Variants in FOXP1 observed in about 807,000 individuals in gnomAD.
FOXP1 encodes forkhead box P1.
FOXP1 carries 15 observed loss-of-function variants against 98.2 expected under a neutral mutation model. The ratio of observed to expected loss-of-function variants is 0.15; its 90% confidence interval spans 0.10 to 0.24. FOXP1 has a LOEUF of 0.24. Ranked by LOEUF, FOXP1 falls within the 10% of genes least tolerant of loss-of-function variation. The probability of loss-of-function intolerance (pLI) is 1.00; values close to 1 mark genes in which losing one functional copy is unlikely to be tolerated. For synonymous variants in FOXP1, 371 were observed against 314.5 expected, an observed-to-expected ratio of 1.18 and a Z score of -1.90; for missense variants, 633 against 848.5, an observed-to-expected ratio of 0.75 and a Z score of 3.15.
intron 6 of FOXP1, among the ~76,000 whole-genome samples, chr3:71,150,852 G>T (rs2060536746): frequency 6.6e-6 from 1 of 152,072 alleles, no homozygotes; most frequent in South Asian, 2.1e-4. Context: ...CCCCGTTACG[G>T]TCTCTTTTTT....
chr3:71,286,037 G>A (rs1161247030), intron 5 of FOXP1, among the ~76,000 whole-genome samples: 2 of 152,164 alleles, frequency 1.3e-5, no homozygotes, highest in East Asian at 1.9e-4. Flanking sequence ...CAGATAGTAT[G>A]TATATTTTTA....
intron 2 of FOXP1, among the ~76,000 whole-genome samples, chr3:71,509,650 G>A (rs1447420142): frequency 6.6e-6 from 1 of 152,182 alleles, no homozygotes; most frequent in Admixed American, 6.5e-5. Flanking sequence ...AGGAGGCTCA[G>A]ATGGGAGAAT....
intron 14 of FOXP1, among the ~76,000 whole-genome samples, chr3:70,983,535 G>A (rs1282300318): frequency 6.6e-6 from 1 of 152,140 alleles, no homozygotes; most frequent in Non-Finnish European, 1.5e-5. Flanking sequence ...GTATAAAAAT[G>A]AAAATCTAAT....
intron 6 of FOXP1, among the ~76,000 whole-genome samples, chr3:71,161,366 C>T (rs1420285333): frequency 3.3e-5 from 5 of 152,182 alleles, no homozygotes; most frequent in Non-Finnish European, 7.4e-5. Context: ...CTGTCTGTCT[C>T]TTTCTCTTTC....
chr3:71,034,633 G>A (rs1237168177), intron 11 of FOXP1, among the ~76,000 whole-genome samples: 2 of 152,238 alleles, frequency 1.3e-5, no homozygotes, highest in Non-Finnish European at 2.9e-5. Flanking sequence ...CTGGCACACA[G>A]TAAGAGTTAC....
intron 5 of FOXP1, among the ~76,000 whole-genome samples, chr3:71,236,431 C>T (rs566706906): frequency 3.3e-5 from 5 of 152,246 alleles, no homozygotes; most frequent in East Asian, 3.9e-4. Flanking sequence ...TGAGCTACCA[C>T]CCTCCAGCAC....
At chr3:71,559,676 T>G (rs2046393148) in intron 2 of FOXP1, among the ~76,000 whole-genome samples, 3 of 152,258 alleles carry the variant, frequency 2.0e-5, no homozygotes, top group Admixed American at 2.0e-4. Flanking sequence ...TGAAATCTCA[T>G]CTTTATAAAA....
chr3:71,572,598 T>C (rs1372428194), intron 2 of FOXP1: 2 of 152,200 alleles, frequency 1.3e-5, no homozygotes, highest in Non-Finnish European at 2.9e-5. Context: ...AAATCCTGTA[T>C]TTTGAGGAAT....
At chr3:71,010,440 G>C (rs2043423020) in intron 12 of FOXP1, among the ~76,000 whole-genome samples, 1 of 152,132 alleles carries the variant, frequency 6.6e-6, no homozygotes, top group Admixed American at 6.6e-5. Flanking sequence ...TAAACTGTTT[G>C]TGAGGATTAA....
intron 5 of FOXP1, among the ~76,000 whole-genome samples, chr3:71,240,890 A>T (rs1221935823): frequency 6.6e-6 from 1 of 151,880 alleles, no homozygotes. Context: ...CCCAGATTTG[A>T]AGAATCTTAA....
intron 5 of FOXP1, among the ~76,000 whole-genome samples, chr3:71,230,198 C>T (rs766453259): frequency 2.6e-5 from 4 of 152,288 alleles, no homozygotes; most frequent in Non-Finnish European, 2.9e-5. Flanking sequence ...CGTCACTGTG[C>T]GGCTGTGAAG....
At chr3:71,426,856 T>C (rs959684064) in intron 3 of FOXP1, among the ~76,000 whole-genome samples, 1 of 152,010 alleles carries the variant, frequency 6.6e-6, no homozygotes, top group Non-Finnish European at 1.5e-5. Flanking sequence ...AGGTCAAGAG[T>C]TCGAGACCAG....
chr3:70,989,476 A>G (rs2040271071), intron 13 of FOXP1, among the ~76,000 whole-genome samples: 1 of 152,210 alleles, frequency 6.6e-6, no homozygotes, highest in Non-Finnish European at 1.5e-5. Context: ...GTTATTGAAC[A>G]GCCAAACTAA....
intron 7 of FOXP1, among the ~76,000 whole-genome samples, chr3:71,065,934 A>G (rs1281769761): frequency 1.3e-5 from 2 of 152,150 alleles, no homozygotes; most frequent in African/African-American, 4.8e-5. Context: ...CTCTAAAAAA[A>G]TCACCTATTT....
In FOXP1 at chr3:71,429,183, G is replaced by A. The variant is rs554816344; in HGVS notation, c.-168+64243C>T. ...CCATGGAGTTATCACCCACAACCTC[G>A]CCCATGGGTGGGGGCAACCAGACCA... On this transcript the variant is annotated intron_variant, in intron 3 of 20. Transcript: ENST00000649528. Among the ~76,000 whole-genome samples, 43 of 152,232 alleles carry A rather than the reference G, an allele frequency of 2.8e-4. 2 individuals carry two copies. The highest frequency in any genetic ancestry group is 8.7e-4 in the African/African-American group (36 of 41,540).
intron 6 of FOXP1, among the ~76,000 whole-genome samples, chr3:71,141,266 CAA>C (rs71621921): frequency 5.6e-5 from 4 of 71,868 alleles, no homozygotes; most frequent in Non-Finnish European, 5.9e-5. Flanking sequence ...GACTCTGTCT[CAA>C]AAAAAAAAAA....
intron 6 of FOXP1, among the ~76,000 whole-genome samples, chr3:71,113,878 T>C (rs1315646676): frequency 6.6e-6 from 1 of 152,076 alleles, no homozygotes; most frequent in Non-Finnish European, 1.5e-5. Context: ...AAGATGGCAC[T>C]AGGACCAGCA....
At chr3:71,373,678 G>A (rs2079507005) in intron 3 of FOXP1, among the ~76,000 whole-genome samples, 1 of 152,216 alleles carries the variant, frequency 6.6e-6, no homozygotes, top group South Asian at 2.1e-4. Context: ...CACCCTCTCT[G>A]AAACACATTA....
intron 6 of FOXP1, chr3:71,130,588 C>A (rs1041767564): frequency 1.3e-6 from 2 of 1,598,362 alleles, no homozygotes; most frequent in Non-Finnish European, 1.7e-6. Flanking sequence ...GCTGTTTCTG[C>A]GAAGCGGGGG....
Sources: allele counts gnomAD v4.1 joint callset (sites outside exome capture counted in the v4.1 genomes callset), GRCh38; gene constraint gnomAD v4.1.1; transcripts MANE v1.5; gene names NCBI Gene and HGNC (gene_info 2026-07-23, HGNC 2026-07-21).